PTPRK: variants seen among roughly 807,000 people sequenced by gnomAD.
PTPRK encodes the protein receptor-type tyrosine-protein phosphatase kappa.
A neutral mutation model predicts 178.0 loss-of-function variants in PTPRK; 75 were observed. The ratio of observed to expected loss-of-function variants is 0.42; its 90% confidence interval spans 0.35 to 0.51. The LOEUF (loss-of-function observed/expected upper bound fraction) is 0.51. Among genes scored for constraint, PTPRK ranks in the 20% least tolerant of loss-of-function variants. The pLI, the probability that PTPRK is intolerant of heterozygous loss-of-function variation, is 0.02. For missense variants in PTPRK, 1,441 were observed against 1,797.8 expected, an observed-to-expected ratio of 0.80 and a Z score of 3.59; for synonymous variants, 637 against 620.6, an observed-to-expected ratio of 1.03 and a Z score of -0.39.
intron 1 of PTPRK, among the ~76,000 whole-genome samples, chr6:128,447,468 A>G (rs1847176773): frequency 1.3e-5 from 2 of 152,194 alleles, no homozygotes; most frequent in Non-Finnish European, 1.5e-5. Context: ...AGTAAGATTT[A>G]GAGATGTTAC....
At chr6:128,305,418 GA>G (rs1448579223) in intron 3 of PTPRK, among the ~76,000 whole-genome samples, 2 of 152,110 alleles carry the variant, frequency 1.3e-5, no homozygotes, top group Non-Finnish European at 2.9e-5. Flanking sequence ...CTTTCACTAT[GA>G]CTCGCCTTGT....
At chr6:128,272,427 C>G (rs1819988138) in intron 3 of PTPRK, among the ~76,000 whole-genome samples, 1 of 152,080 alleles carries the variant, frequency 6.6e-6, no homozygotes, top group Non-Finnish European at 1.5e-5. Flanking sequence ...AGGCAACTTA[C>G]AGAATGGGAA....
At position 128,230,007 on chromosome 6, in the gene PTPRK, T is replaced by C. The variant is rs12055776; in HGVS notation, c.693+10028A>G. 0.029 allele frequency among the ~76,000 whole-genome samples: 4,360 copies of C among 152,262 alleles called. 291 individuals are homozygous for C. The East Asian group carries it at 0.31, about 11-fold the overall frequency. ...AAAATGATAGAATATCACAGTTTTC[T>C]ACCCCCAGGAATAAATATAGGCATT... On this transcript the variant is annotated intron_variant, in intron 5 of 29. Coordinates refer to ENST00000368226, the MANE Select transcript of PTPRK (RefSeq NM_002844.4).
At chr6:128,375,118 C>G (rs1836868956) in intron 2 of PTPRK, among the ~76,000 whole-genome samples, 1 of 148,086 alleles carries the variant, frequency 6.8e-6, no homozygotes, top group Non-Finnish European at 1.5e-5. Flanking sequence ...TTTTCCCCAT[C>G]AAGGTATAAG....
chr6:128,093,375 C>T (rs1046856741), intron 7 of PTPRK, among the ~76,000 whole-genome samples: 7 of 151,830 alleles, frequency 4.6e-5, no homozygotes, highest in Non-Finnish European at 1.0e-4. Flanking sequence ...GGGCAGATGG[C>T]CTGAGCTCAG....
intron 1 of PTPRK, among the ~76,000 whole-genome samples, chr6:128,514,443 C>A (rs576731182): frequency 3.0e-4 from 46 of 151,628 alleles, no homozygotes; most frequent in Non-Finnish European, 5.6e-4. Context: ...TCACATTTCC[C>A]AACAAAATAA....
intron 7 of PTPRK, among the ~76,000 whole-genome samples, chr6:128,139,222 A>G (rs910359446): frequency 1.3e-5 from 2 of 152,072 alleles, no homozygotes; most frequent in Non-Finnish European, 2.9e-5. Context: ...TGGATGAAGA[A>G]TTTGAACTTC....
At chr6:128,219,675 T>C (rs923303155) in intron 5 of PTPRK, among the ~76,000 whole-genome samples, 2 of 152,170 alleles carry the variant, frequency 1.3e-5, no homozygotes, top group Non-Finnish European at 2.9e-5. Flanking sequence ...CCAGAGTAAA[T>C]GAATTAACAG....
chr6:128,323,046 A>G (rs1188003938), intron 2 of PTPRK, among the ~76,000 whole-genome samples: 2 of 151,824 alleles, frequency 1.3e-5, no homozygotes, highest in African/African-American at 4.8e-5. Flanking sequence ...CAGTCCCTAA[A>G]CTCTTGTAGA....
At chr6:128,485,838 T>G (rs1334958540) in intron 1 of PTPRK, among the ~76,000 whole-genome samples, 1 of 152,226 alleles carries the variant, frequency 6.6e-6, no homozygotes, top group African/African-American at 2.4e-5. Context: ...AATGTCTGAT[T>G]CTACGAAAAA....
intron 5 of PTPRK, among the ~76,000 whole-genome samples, chr6:128,227,235 G>A (rs962207803): frequency 1.3e-5 from 2 of 152,142 alleles, no homozygotes; most frequent in African/African-American, 2.4e-5. Flanking sequence ...AAGTGGAAAC[G>A]TGATGCATAT....
intron 5 of PTPRK, among the ~76,000 whole-genome samples, chr6:128,220,370 A>G (rs561219996): frequency 6.6e-6 from 1 of 152,348 alleles, no homozygotes; most frequent in South Asian, 2.1e-4. Context: ...TAAAACTTCT[A>G]TATGTCAAAG....
At chr6:128,270,230 T>C (rs1020843255) in intron 3 of PTPRK, among the ~76,000 whole-genome samples, 8 of 152,124 alleles carry the variant, frequency 5.3e-5, no homozygotes, top group South Asian at 2.1e-4. Flanking sequence ...AATGTAAATA[T>C]GCAATCAGCA....
intron 5 of PTPRK, among the ~76,000 whole-genome samples, chr6:128,225,489 G>C (rs915500858): frequency 6.6e-6 from 1 of 152,094 alleles, no homozygotes; most frequent in Non-Finnish European, 1.5e-5. Flanking sequence ...ACTAGAGCTT[G>C]TCTGCTTTAT....
At position 128,066,379 on chromosome 6, in the gene PTPRK, C is replaced by T. The variant is rs181186557; in HGVS notation, c.2157+1140G>A. 2.0e-5 allele frequency among the ~76,000 whole-genome samples: 3 copies of T among 152,248 alleles called. No homozygotes were observed. In the East Asian group the frequency reaches 5.8e-4, roughly 29 times the overall value. On this transcript the variant is annotated intron_variant, in intron 12 of 29. Transcript: ENST00000368226. ...GAAGATGCTGTGGCCTTTTTCTTTG[C>T]TACCTACAAGCCAAGCATACAGGCA...
intron 1 of PTPRK, among the ~76,000 whole-genome samples, chr6:128,477,183 C>T (rs1476580851): frequency 6.6e-6 from 1 of 152,018 alleles, no homozygotes; most frequent in African/African-American, 2.4e-5. Flanking sequence ...CTAACAAATT[C>T]TATTAAAGAA....
chr6:128,321,760 T>G (rs755103939), intron 3 of PTPRK: 2 of 692,796 alleles, frequency 2.9e-6, no homozygotes, highest in Middle Eastern at 2.4e-4. Flanking sequence ...GGACCTAAAC[T>G]TATTTTAACA....
intron 7 of PTPRK, among the ~76,000 whole-genome samples, chr6:128,180,674 G>C (rs1014604916): frequency 6.6e-6 from 1 of 152,106 alleles, no homozygotes; most frequent in Non-Finnish European, 1.5e-5. Flanking sequence ...CACTTTAACT[G>C]TTTAAAGTAT....
At chr6:128,067,293 A>G (rs908079095) in intron 12 of PTPRK, among the ~76,000 whole-genome samples, 1 of 152,162 alleles carries the variant, frequency 6.6e-6, no homozygotes, top group Non-Finnish European at 1.5e-5. Flanking sequence ...GGAAGGCTCG[A>G]GTAGAAGCAG....
Sources: allele counts gnomAD v4.1 joint callset (sites outside exome capture counted in the v4.1 genomes callset), GRCh38; gene constraint gnomAD v4.1.1; transcripts MANE v1.5; gene names NCBI Gene and HGNC (gene_info 2026-07-23, HGNC 2026-07-21).